Variants in PRKCI observed in about 807,000 individuals in gnomAD.
PRKCI encodes the protein protein kinase C iota, also known as protein kinase C iota type.
A neutral mutation model predicts 84.0 loss-of-function variants in PRKCI; 43 were observed. The ratio of observed to expected loss-of-function variants is 0.51; its 90% CI spans 0.40 to 0.66. The LOEUF (loss-of-function observed/expected upper bound fraction) is 0.66, where lower values mean the gene tolerates loss of function less well. Ranked by LOEUF, PRKCI falls within the 30% of genes least tolerant of loss-of-function variation. The pLI is 0.00. For synonymous variants in PRKCI, 216 were observed against 234.4 expected (o/e 0.92, Z 0.72); for missense variants, 459 against 745.6 (o/e 0.62, Z 4.48).
chr3:170,290,278 G>C (rs1467111131), intron 12 of PRKCI, among the ~76,000 whole-genome samples: 1 of 152,000 alleles, frequency 6.6e-6, no homozygotes, highest in Non-Finnish European at 1.5e-5. Flanking sequence ...GTATGATTCA[G>C]TTGTCTTTAG....
intron 5 of PRKCI, among the ~76,000 whole-genome samples, chr3:170,269,833 C>G (rs985771510): frequency 1.7e-4 from 26 of 152,010 alleles, no homozygotes; most frequent in African/African-American, 6.3e-4. Context: ...TGGCGCATAC[C>G]TGTAATCCCA....
chr3:170,267,905 C>T lies in PRKCI; in HGVS notation c.365-10C>T. 6.4e-7 allele frequency: 1 copy of T among 1,570,356 alleles called. No homozygotes were observed. Among genetic ancestry groups the T allele is most frequent in the Non-Finnish European group, 8.7e-7 (1 of 1,155,872 alleles). On this transcript the variant is annotated splice_polypyrimidine_tract_variant and intron_variant, in intron 4 of 17. Coordinates refer to ENST00000295797, the MANE Select transcript of PRKCI (RefSeq NM_002740.6). ...CTTTTTTCTTTTTTTAACTATTACTCTGTCTTCAGAATCCATCTACCGTAG... is the reference window on the plus strand; with the variant it reads ...CTTTTTTCTTTTTTTAACTATTACTTTGTCTTCAGAATCCATCTACCGTAG...
chr3:170,235,744 T>G (rs1252632234), intron 2 of PRKCI, among the ~76,000 whole-genome samples: 1 of 151,946 alleles, frequency 6.6e-6, no homozygotes. Flanking sequence ...TTTTGTATTT[T>G]TAGTAGAGAC....
At chr3:170,292,014 C>G in intron 13 of PRKCI, 73 bp downstream of exon 13, 4 of 1,002,048 alleles carry the variant, frequency 4.0e-6, no homozygotes, top group Non-Finnish European at 6.3e-6. Context: ...AATTGCATTA[C>G]AGTACACTAA....
intron 12 of PRKCI, among the ~76,000 whole-genome samples, chr3:170,291,040 G>A (rs1473388803): frequency 6.6e-6 from 1 of 152,074 alleles, no homozygotes; most frequent in African/African-American, 2.4e-5. Context: ...GGAGGCTGAG[G>A]CAGGAGAATT....
At position 170,263,578 on chromosome 3, in the gene PRKCI, G is replaced by A. The variant is rs1733785957; in HGVS notation, c.364+149G>A. On this transcript the variant is annotated intron_variant, in intron 4 of 17. Transcript: ENST00000295797. ...GCACTGTGGGAAGCTGAGGTGGGAG[G>A]ATCGCTTAAGCCCAGGAGTTCAAGA... is the stretch of plus-strand genomic sequence containing the variant. 6.8e-6 allele frequency: 4 copies of A among 586,940 alleles called. No individual in the cohort carries two copies. The South Asian group carries it at 1.1e-4, about 16-fold the overall frequency. 36.4% of individuals were successfully genotyped at this position (586,940 alleles called of 1,614,324 possible).
In PRKCI at chr3:170,272,464, G is replaced by A. The variant is rs1422487952; in HGVS notation, c.592-822G>A. Among the ~76,000 whole-genome samples the A allele has an allele frequency of 3.3e-5, 5 of 152,116 alleles. No homozygotes were observed. The East Asian group carries it at 5.8e-4, about 18-fold the overall frequency. On this transcript the variant is annotated intron_variant, in intron 6 of 17. Transcript: ENST00000295797. Reference sequence around the variant, plus strand: ...TTAGGAATGGGTTTGTAGTAAAGGGGAAAATCCAATCTTAAGGAAAAACAG... The same window carrying A: ...TTAGGAATGGGTTTGTAGTAAAGGGAAAAATCCAATCTTAAGGAAAAACAG...
intron 9 of PRKCI, among the ~76,000 whole-genome samples, chr3:170,280,777 ATGTT>A (rs1311103621): frequency 6.6e-6 from 1 of 152,126 alleles, no homozygotes; most frequent in Non-Finnish European, 1.5e-5. Flanking sequence ...GAAAACCTCT[ATGTT>A]TGTGCTTTAT....
At chr3:170,264,791 A>T (rs963529734) in intron 4 of PRKCI, among the ~76,000 whole-genome samples, 1 of 152,182 alleles carries the variant, frequency 6.6e-6, no homozygotes, top group African/African-American at 2.4e-5. Context: ...TTAATGAATT[A>T]GTGTGGAGGT....
intron 5 of PRKCI, among the ~76,000 whole-genome samples, chr3:170,268,499 T>C: frequency 1.4e-5 from 2 of 143,520 alleles, no homozygotes; most frequent in African/African-American, 5.5e-5. Context: ...AAAAAAAAGC[T>C]CCAGATTGGA....
intron 8 of PRKCI, among the ~76,000 whole-genome samples, chr3:170,276,115 A>G (rs984835497): frequency 1.3e-5 from 2 of 151,622 alleles, no homozygotes; most frequent in Middle Eastern, 3.4e-3. Context: ...TTCATTTTCT[A>G]TTTTGTAGAG....
intron 1 of PRKCI, 36 bp downstream of exon 1, chr3:170,222,806 G>A (rs1393902672): frequency 1.6e-6 from 2 of 1,285,964 alleles, no homozygotes; most frequent in Non-Finnish European, 1.1e-6. Context: ...GGCGGGAGGG[G>A]ACAGGCCGGC....
chr3:170,226,039 A>G (rs1274774748), intron 1 of PRKCI, among the ~76,000 whole-genome samples: 2 of 152,110 alleles, frequency 1.3e-5, no homozygotes, highest in South Asian at 4.2e-4. Flanking sequence ...CTGCCTCCCG[A>G]GTAGGTGGGA....
At chr3:170,291,570 G>T (rs186794659) in intron 12 of PRKCI, 4 of 291,930 alleles carry the variant, frequency 1.4e-5, no homozygotes, top group African/African-American at 4.3e-5. Context: ...GTTGGTGCAT[G>T]CCTGTAATTC....
At chr3:170,284,117 C>G (rs1398792803) in intron 11 of PRKCI, among the ~76,000 whole-genome samples, 1 of 151,950 alleles carries the variant, frequency 6.6e-6, no homozygotes, top group East Asian at 1.9e-4. Context: ...GCTTTGAGGA[C>G]TCTGTAGATA....
chr3:170,289,962 A>T (rs1734502444), intron 12 of PRKCI, among the ~76,000 whole-genome samples: 1 of 151,894 alleles, frequency 6.6e-6, no homozygotes, highest in African/African-American at 2.4e-5. Context: ...AATCCCAGCT[A>T]CTTGGGAGGC....
At chr3:170,289,569 T>A (rs931985306) in intron 12 of PRKCI, among the ~76,000 whole-genome samples, 1 of 151,936 alleles carries the variant, frequency 6.6e-6, no homozygotes, top group African/African-American at 2.4e-5. Flanking sequence ...AGGTCAGGAG[T>A]TTGAGACCAA....
At chr3:170,240,548 T>A (rs896067129) in intron 2 of PRKCI, among the ~76,000 whole-genome samples, 6 of 152,208 alleles carry the variant, frequency 3.9e-5, no homozygotes, top group Non-Finnish European at 7.3e-5. Context: ...CTTTTCTTAA[T>A]TTTAGGCATA....
At chr3:170,240,536 A>G (rs536890962) in intron 2 of PRKCI, among the ~76,000 whole-genome samples, 87 of 152,226 alleles carry the variant, frequency 5.7e-4, no homozygotes, top group Admixed American at 9.2e-4. Context: ...TCTGATACCA[A>G]TCTTTTCTTA....
Sources: gnomAD v4.1 joint callset for allele counts (sites outside exome capture counted in the v4.1 genomes callset) on GRCh38, gnomAD v4.1.1 for gene constraint, MANE v1.5 for transcripts, NCBI Gene and HGNC (gene_info 2026-07-23, HGNC 2026-07-21) for gene names.